Variants in CENPP observed in about 807,000 individuals in gnomAD.
CENPP encodes centromere protein P.
Under a neutral mutation model 35.6 loss-of-function variants are expected in CENPP, and 24 were observed. The ratio of observed to expected loss-of-function variants is 0.67; its 90% confidence interval spans 0.49 to 0.95. The LOEUF (loss-of-function observed/expected upper bound fraction) is 0.95, where lower values mean the gene tolerates loss of function less well. CENPP is among the 40% of genes least tolerant of loss of function. CENPP has a pLI of 0.00. For missense variants in CENPP, 332 were observed against 345.3 expected (o/e 0.96, Z 0.31); for synonymous variants, 120 against 125.5 (o/e 0.96, Z 0.29).
At chr9:92,491,979 C>T (rs531307865) in intron 5 of CENPP, among the ~76,000 whole-genome samples, 22 of 152,296 alleles carry the variant, frequency 1.4e-4, no homozygotes, top group Non-Finnish European at 2.5e-4. Context: ...TAAGCCCAGA[C>T]GTGAGTCCCT....
At chr9:92,583,163 T>C (rs1459111226) in intron 5 of CENPP, among the ~76,000 whole-genome samples, 2 of 152,204 alleles carry the variant, frequency 1.3e-5, no homozygotes, top group African/African-American at 4.8e-5. Flanking sequence ...GTCTCATCAA[T>C]TATTATCTGT....
chr9:92,532,015 G>GTTTTTTTTTATTTATTTTTTT (rs1848800192), intron 5 of CENPP, among the ~76,000 whole-genome samples: 1 of 95,732 alleles, frequency 1.0e-5, no homozygotes. Context: ...TTTATTTAAT[G>GTTTTTTTTTATTTATTTTTTT]TTTTTTTTTT....
intron 5 of CENPP, among the ~76,000 whole-genome samples, chr9:92,556,451 T>C (rs1849725631): frequency 6.6e-6 from 1 of 152,202 alleles, no homozygotes; most frequent in Non-Finnish European, 1.5e-5. Flanking sequence ...CCCACTATTA[T>C]TGTGTTGCTG....
intron 5 of CENPP, among the ~76,000 whole-genome samples, chr9:92,457,883 A>G (rs1844944202): frequency 6.6e-6 from 1 of 152,340 alleles, no homozygotes; most frequent in South Asian, 2.1e-4. Flanking sequence ...ATGTGTATAT[A>G]TATGGTTACT....
At chr9:92,404,345 A>G (rs1305131106) in intron 5 of CENPP, among the ~76,000 whole-genome samples, 1 of 152,222 alleles carries the variant, frequency 6.6e-6, no homozygotes, top group African/African-American at 2.4e-5. Flanking sequence ...TGTTAAATTT[A>G]TGCGATGATA....
intron 5 of CENPP, chr9:92,493,942 C>G: frequency 1.6e-6 from 1 of 637,118 alleles, no homozygotes; most frequent in Non-Finnish European, 2.6e-6. Context: ...TCTGGATCTG[C>G]TGTTAATCCA....
chr9:92,445,136 A>C (rs1384982048), intron 5 of CENPP, among the ~76,000 whole-genome samples: 1 of 151,980 alleles, frequency 6.6e-6, no homozygotes, highest in African/African-American at 2.4e-5. Context: ...CCACTTCTCT[A>C]AGCAGCTTTC....
chr9:92,332,247 A>T lies in CENPP; in HGVS notation c.185A>T (p.His62Leu). The change falls in exon 2 of 8, where the codon CAT (histidine) becomes CTT (leucine). Residue 62 changes from histidine (H) to leucine (L), a missense_variant. Physicochemically the swap from His to Leu is moderately conservative, Grantham distance 99 (BLOSUM62 -3). Transcript: ENST00000375587. ...AAAGATCTGAAAAATCAGCTTGGACATTTAGAATCAGAACTTTCATTTCTA... is the reference window on the plus strand; with the variant it reads ...AAAGATCTGAAAAATCAGCTTGGACTTTTAGAATCAGAACTTTCATTTCTA... ...SSKDLKNQLG[H>L]LESELSFLST... The T allele has an allele frequency of 6.2e-7, 1 of 1,613,332 alleles. No homozygotes were observed. The highest frequency in any genetic ancestry group is 1.1e-5 in the South Asian group (1 of 90,954).
intron 5 of CENPP, chr9:92,403,124 A>T: frequency 1.5e-6 from 1 of 654,002 alleles, no homozygotes; most frequent in Non-Finnish European, 2.5e-6. Context: ...TGAATCATTT[A>T]AAGTGATTTT....
chr9:92,556,118 A>T (rs1457788398), intron 5 of CENPP, among the ~76,000 whole-genome samples: 1 of 152,120 alleles, frequency 6.6e-6, no homozygotes, highest in Non-Finnish European at 1.5e-5. Context: ...ATAATTTTTT[A>T]ATTTCCATCT....
intron 5 of CENPP, among the ~76,000 whole-genome samples, chr9:92,571,301 A>G (rs1850133140): frequency 6.6e-6 from 1 of 152,170 alleles, no homozygotes; most frequent in South Asian, 2.1e-4. Flanking sequence ...ATTGGTTTCA[A>G]AGAACATCTT....
chr9:92,369,443 A>C (rs1374459258), intron 4 of CENPP, among the ~76,000 whole-genome samples: 1 of 152,162 alleles, frequency 6.6e-6, no homozygotes. Flanking sequence ...GAACCTGGTA[A>C]AGGAGGTGGT....
At chr9:92,505,007 G>A (rs962214954) in intron 5 of CENPP, among the ~76,000 whole-genome samples, 10 of 152,228 alleles carry the variant, frequency 6.6e-5, no homozygotes, top group Non-Finnish European at 1.3e-4. Context: ...TCACAGGACA[G>A]TTTTGGTAGG....
chr9:92,536,064 C>T (rs780792972), intron 5 of CENPP: 1 of 494,202 alleles, frequency 2.0e-6, no homozygotes, highest in South Asian at 1.5e-5. Flanking sequence ...TGCTGAACTT[C>T]TTAGTAAAAT....
chr9:92,567,383 T>TATATATATATATATATAGATAG (rs1564005533), intron 5 of CENPP, among the ~76,000 whole-genome samples: 1 of 94,642 alleles, frequency 1.1e-5, no homozygotes, highest in South Asian at 2.7e-4. Context: ...GATATATATA[T>TATATATATATATATATAGATAG]ATATATATAT....
chr9:92,515,071 A>T (rs1405361460), intron 5 of CENPP: 9 of 1,613,924 alleles, frequency 5.6e-6, no homozygotes, highest in Non-Finnish European at 7.6e-6. Flanking sequence ...TTTTCTTACT[A>T]TTCGGTCCAT....
intron 4 of CENPP, among the ~76,000 whole-genome samples, chr9:92,373,270 A>G (rs1215145528): frequency 6.6e-6 from 1 of 151,262 alleles, no homozygotes; most frequent in Non-Finnish European, 1.5e-5. Flanking sequence ...TTATTTAAAA[A>G]TATATATATA....
At chr9:92,535,784 A>G (rs1849133376) in intron 5 of CENPP, 1 of 262,826 alleles carries the variant, frequency 3.8e-6, no homozygotes, top group Non-Finnish European at 7.4e-6. Context: ...CGTGAAAAAA[A>G]CAAACAGAAT....
rs1393170517 is a variant in CENPP, at chr9:92,441,206, T to C, written c.564+61347T>C. On this transcript the variant is annotated intron_variant, in intron 5 of 7. Coordinates refer to ENST00000375587, the MANE Select transcript of CENPP (RefSeq NM_001012267.3). ...CAGTGTTAAAATTAATCAAGCTACA[T>C]ATTTATCATCTATGTACTTTTCTAT... Among the ~76,000 whole-genome samples, 7 of 152,242 alleles carry C rather than the reference T, an allele frequency of 4.6e-5. No individual in the cohort carries two copies. The East Asian group carries it at 1.3e-3, about 29-fold the overall frequency.
Sources: gnomAD v4.1 joint callset for allele counts (sites outside exome capture counted in the v4.1 genomes callset) on GRCh38, gnomAD v4.1.1 for gene constraint, MANE v1.5 for transcripts, NCBI Gene and HGNC (gene_info 2026-07-23, HGNC 2026-07-21) for gene names.